MAN1A2: variants seen among roughly 807,000 people sequenced by gnomAD.
MAN1A2 encodes mannosidase alpha class 1A member 2.
In MAN1A2, 26 loss-of-function variants were observed where a neutral mutation model predicts 75.7. The ratio of observed to expected loss-of-function variants is 0.34; its 90% CI spans 0.25 to 0.48. The LOEUF (loss-of-function observed/expected upper bound fraction) is 0.48. Among genes scored for constraint, MAN1A2 ranks in the 20% least tolerant of loss-of-function variants. The pLI, the probability that MAN1A2 is intolerant of heterozygous loss-of-function variation, is 0.99. For missense variants in MAN1A2, 562 were observed against 775.5 expected (o/e 0.72, Z 3.27); for synonymous variants, 247 against 264.6 (o/e 0.93, Z 0.65).
intron 8 of MAN1A2, among the ~76,000 whole-genome samples, chr1:117,471,371 G>C (rs1163882605): frequency 2.0e-5 from 3 of 151,834 alleles, no homozygotes; most frequent in African/African-American, 7.2e-5. Flanking sequence ...TTTCCCATAA[G>C]AAGACTTCAA....
chr1:117,377,568 A>C (rs1315039131), intron 1 of MAN1A2, among the ~76,000 whole-genome samples: 4 of 152,206 alleles, frequency 2.6e-5, no homozygotes, highest in Admixed American at 6.5e-5. Flanking sequence ...AGTGTTCAAG[A>C]ATGTCCCCTG....
intron 12 of MAN1A2, among the ~76,000 whole-genome samples, chr1:117,520,370 G>A (rs1358802150): frequency 6.6e-6 from 1 of 152,062 alleles, no homozygotes; most frequent in Non-Finnish European, 1.5e-5. Flanking sequence ...TAAAGAGGAA[G>A]TCAAACTGTC....
rs1028293174 is a variant in MAN1A2, at chr1:117,526,564, C to G, written c.*3607C>G. On this transcript the variant is annotated 3_prime_UTR_variant, in exon 13 of 13. Transcript: ENST00000356554. ...TAGAAATAAAAACGTTCTTATTTTG[C>G]TATATCACTTTAATTGCATAATTAA... is the stretch of plus-strand genomic sequence containing the variant. The G allele has an allele frequency of 6.6e-6, 1 of 151,304 alleles. No individual in the cohort carries two copies. Among genetic ancestry groups the G allele is most frequent in the Non-Finnish European group, 1.5e-5 (1 of 67,646 alleles). 9.4% of individuals were successfully genotyped at this position (151,304 alleles called of 1,614,324 possible).
At chr1:117,502,053 C>T (rs1651217703) in intron 11 of MAN1A2, among the ~76,000 whole-genome samples, 1 of 151,690 alleles carries the variant, frequency 6.6e-6, no homozygotes, top group Non-Finnish European at 1.5e-5. Context: ...TTTATTTAGG[C>T]ATGCCCAAAG....
intron 6 of MAN1A2, among the ~76,000 whole-genome samples, chr1:117,445,641 C>G (rs894925794): frequency 2.0e-5 from 3 of 151,966 alleles, no homozygotes; most frequent in African/African-American, 7.2e-5. Flanking sequence ...ATCCCCCCAT[C>G]TCAGCCTCTC....
intron 3 of MAN1A2, among the ~76,000 whole-genome samples, chr1:117,413,596 G>A (rs1185250196): frequency 6.6e-6 from 1 of 151,746 alleles, no homozygotes; most frequent in Non-Finnish European, 1.5e-5. Flanking sequence ...ATCATCATTT[G>A]ATACTTTCTG....
At chr1:117,445,513 T>G (rs894864734) in intron 6 of MAN1A2, among the ~76,000 whole-genome samples, 16 of 151,886 alleles carry the variant, frequency 1.1e-4, no homozygotes, top group African/African-American at 3.9e-4. Context: ...AAATTAAAAT[T>G]TGTGTGTGTG....
chr1:117,508,419 G>A (rs1001567047), intron 12 of MAN1A2, among the ~76,000 whole-genome samples: 2 of 151,464 alleles, frequency 1.3e-5, no homozygotes, highest in African/African-American at 4.8e-5. Context: ...AGTCTCTGGG[G>A]CAGAAATTAT....
At chr1:117,442,137 A>G (rs976171952) in intron 5 of MAN1A2, 94 bp from the exon 6 acceptor site, 1 of 798,794 alleles carries the variant, frequency 1.3e-6, no homozygotes, top group Non-Finnish European at 2.2e-6. Context: ...CCGTGTACCC[A>G]GTACCTTGTG....
chr1:117,383,750 T>C (rs1768790), intron 1 of MAN1A2, among the ~76,000 whole-genome samples: 1 of 150,522 alleles, frequency 6.6e-6, no homozygotes, highest in Non-Finnish European at 1.5e-5. Flanking sequence ...TCTTTAAAAA[T>C]TTTTTTTTTT....
intron 4 of MAN1A2, among the ~76,000 whole-genome samples, chr1:117,419,864 A>C (rs1648130053): frequency 2.0e-5 from 3 of 151,914 alleles, no homozygotes; most frequent in Non-Finnish European, 4.4e-5. Context: ...ATTTTAGAAA[A>C]ATTTCATGTC....
chr1:117,410,725 A>C (rs1307040294), intron 3 of MAN1A2, among the ~76,000 whole-genome samples: 1 of 151,278 alleles, frequency 6.6e-6, no homozygotes, highest in Non-Finnish European at 1.5e-5. Flanking sequence ...GAATGTACCC[A>C]AAAAAGGTGC....
chr1:117,500,524 A>G (rs1651168453), intron 11 of MAN1A2, among the ~76,000 whole-genome samples: 1 of 151,820 alleles, frequency 6.6e-6, no homozygotes, highest in Non-Finnish European at 1.5e-5. Context: ...TAATCCACAA[A>G]TTGGTGGGTT....
rs532360108 is a variant in MAN1A2, at chr1:117,453,728, A to C, written c.951-6761A>C. 5.3e-5 allele frequency among the ~76,000 whole-genome samples: 8 copies of C among 152,340 alleles called. No homozygotes were observed. In the South Asian group the frequency reaches 1.5e-3, roughly 28 times the overall value. On this transcript the variant is annotated intron_variant, in intron 6 of 12. Transcript: ENST00000356554. ...CTACGTAAACTTAGTTGATGCAGCC[A>C]GTGTCAGGATATGAGAGTGGCCTCC...
intron 12 of MAN1A2, among the ~76,000 whole-genome samples, chr1:117,519,604 T>C (rs150005579): frequency 0.013 from 2,028 of 151,662 alleles, 26 homozygotes; most frequent in Non-Finnish European, 0.021. Flanking sequence ...CATGGAAAAA[T>C]ACAGCCCTCC....
At chr1:117,445,678 C>T (rs562081022) in intron 6 of MAN1A2, among the ~76,000 whole-genome samples, 43 of 151,940 alleles carry the variant, frequency 2.8e-4, no homozygotes, top group African/African-American at 9.9e-4. Flanking sequence ...AGGTGTGTGA[C>T]ACCACACCTA....
chr1:117,479,353 G>A (rs116159176), intron 8 of MAN1A2, among the ~76,000 whole-genome samples: 3 of 151,762 alleles, frequency 2.0e-5, no homozygotes, highest in South Asian at 2.1e-4. Flanking sequence ...TTATTAATGG[G>A]CATTTAGGTT....
chr1:117,374,501 A>G (rs1373078817), intron 1 of MAN1A2, among the ~76,000 whole-genome samples: 1 of 152,142 alleles, frequency 6.6e-6, no homozygotes, highest in African/African-American at 2.4e-5. Context: ...ATTGGGTATT[A>G]GGATTTGTCA....
intron 5 of MAN1A2, among the ~76,000 whole-genome samples, chr1:117,426,196 C>T (rs1006535106): frequency 6.6e-6 from 1 of 151,660 alleles, no homozygotes. Context: ...ATTCTTTATT[C>T]CTCTGTATGT....
Sources: gnomAD v4.1 joint callset for allele counts (sites outside exome capture counted in the v4.1 genomes callset) on GRCh38, gnomAD v4.1.1 for gene constraint, MANE v1.5 for transcripts, NCBI Gene and HGNC (gene_info 2026-07-23, HGNC 2026-07-21) for gene names.